Variants in CADPS observed in about 807,000 individuals in gnomAD.
CADPS encodes the protein calcium-dependent secretion activator 1.
A neutral mutation model predicts 167.3 loss-of-function variants in CADPS; 57 were observed. The ratio of observed to expected loss-of-function variants is 0.34; its 90% confidence interval spans 0.28 to 0.42. CADPS has a LOEUF of 0.42. CADPS is among the 20% of genes least tolerant of loss of function. The pLI is 1.00. For synonymous variants in CADPS, 676 were observed against 635.3 expected (o/e 1.06, Z -0.96); for missense variants, 1,414 against 1,738.1 (o/e 0.81, Z 3.32).
intron 7 of CADPS, among the ~76,000 whole-genome samples, chr3:62,588,966 T>C (rs1562541406): frequency 1.3e-5 from 2 of 152,172 alleles, no homozygotes; most frequent in African/African-American, 2.4e-5. Flanking sequence ...ATACCATAAA[T>C]TGAAAACAAA....
In CADPS at chr3:62,710,619, C is replaced by A. The variant is rs114653269; in HGVS notation, c.888+42822G>T. On this transcript the variant is annotated intron_variant, in intron 3 of 29. Transcript: ENST00000383710. Reference sequence around the variant, plus strand: ...CAGTAATATACATTATCCCTATTCCCTCCCACTGAGAGAGTTTTAAAAACT... The same window carrying A: ...CAGTAATATACATTATCCCTATTCCATCCCACTGAGAGAGTTTTAAAAACT... 3.2e-3 allele frequency among the ~76,000 whole-genome samples: 478 copies of A among 149,482 alleles called. 3 individuals are homozygous for A. The highest frequency in any genetic ancestry group is 0.011 in the African/African-American group (444 of 40,428).
chr3:62,572,350 C>T (rs979798681), intron 8 of CADPS, among the ~76,000 whole-genome samples: 1 of 152,102 alleles, frequency 6.6e-6, no homozygotes, highest in African/African-American at 2.4e-5. Flanking sequence ...TTCCCACTTC[C>T]ACTATTTCAG....
chr3:62,676,352 C>T (rs1303913789), intron 3 of CADPS, among the ~76,000 whole-genome samples: 1 of 152,106 alleles, frequency 6.6e-6, no homozygotes, highest in South Asian at 2.1e-4. Context: ...ATATTTCATC[C>T]TCCATGTAAC....
At chr3:62,462,123 CAG>C (rs1311568101) in intron 26 of CADPS, among the ~76,000 whole-genome samples, 1 of 152,242 alleles carries the variant, frequency 6.6e-6, no homozygotes, top group African/African-American at 2.4e-5. Context: ...CCCTTCCAAA[CAG>C]GCATCCCACG....
At chr3:62,424,827 T>C (rs922978608) in intron 28 of CADPS, among the ~76,000 whole-genome samples, 4 of 152,212 alleles carry the variant, frequency 2.6e-5, no homozygotes, top group African/African-American at 9.6e-5. Context: ...ATTCATGTTT[T>C]TGAGTTAGAA....
At chr3:62,491,871 C>T (rs187980881) in intron 20 of CADPS, among the ~76,000 whole-genome samples, 1 of 152,142 alleles carries the variant, frequency 6.6e-6, no homozygotes, top group Non-Finnish European at 1.5e-5. Flanking sequence ...ATCACCCTCC[C>T]TGGGGAGGAA....
At position 62,481,711 on chromosome 3, in the gene CADPS, C is replaced by T; in HGVS notation, c.3173+12G>A. On this transcript the variant is annotated intron_variant, in intron 22 of 29. Coordinates refer to ENST00000383710, the MANE Select transcript of CADPS (RefSeq NM_003716.4). ...AAATTTAAATGAGATCTAATGTGAA[C>T]TGAATACACACTCCGCATCATATAT... is the stretch of plus-strand genomic sequence containing the variant. 6.3e-7 allele frequency: 1 copy of T among 1,577,488 alleles called. No homozygotes were observed. Among genetic ancestry groups the T allele is most frequent in the Non-Finnish European group, 8.6e-7 (1 of 1,168,014 alleles).
chr3:62,716,661 C>T (rs557380893), intron 3 of CADPS, among the ~76,000 whole-genome samples: 1 of 152,330 alleles, frequency 6.6e-6, no homozygotes, highest in African/African-American at 2.4e-5. Context: ...AGAGCAATGA[C>T]ATGATCTTTG....
At chr3:62,696,252 G>A (rs1179237334) in intron 3 of CADPS, among the ~76,000 whole-genome samples, 1 of 152,068 alleles carries the variant, frequency 6.6e-6, no homozygotes, top group East Asian at 1.9e-4. Context: ...GATGCTATGG[G>A]GAAAGCTGCA....
chr3:62,492,342 T>G lies in CADPS; in HGVS notation c.2832A>C (p.Thr944=), dbSNP rs776356195. 1 of 1,614,034 alleles carries G rather than the reference T, an allele frequency of 6.2e-7. No individual in the cohort carries two copies. Among genetic ancestry groups the G allele is most frequent in the East Asian group, 2.2e-5 (1 of 44,872 alleles). Residue 944 remains threonine, a synonymous_variant, in exon 20 of 30, where the codon ACA becomes ACC. Transcript: ENST00000383710. ...GCTGAAATAGTGGAAAACTGTCCCATGTGTCTGGAGGTTGCACCTCTAAGG... is the reference window on the plus strand; with the variant it reads ...GCTGAAATAGTGGAAAACTGTCCCAGGTGTCTGGAGGTTGCACCTCTAAGG... ...DAALEVQPPD[T]WDSFPLFQLL...
At chr3:62,597,856 T>C (rs914959086) in intron 6 of CADPS, among the ~76,000 whole-genome samples, 4 of 152,022 alleles carry the variant, frequency 2.6e-5, no homozygotes, top group Non-Finnish European at 4.4e-5. Context: ...AACTATCAGA[T>C]TTCAAAATGG....
chr3:62,518,492 T>C (rs888500460), intron 13 of CADPS, among the ~76,000 whole-genome samples: 5 of 152,228 alleles, frequency 3.3e-5, no homozygotes, highest in African/African-American at 1.2e-4. Context: ...ATGTACAAAC[T>C]GGTGGCTTGA....
chr3:62,443,688 G>A (rs747417451), intron 27 of CADPS, among the ~76,000 whole-genome samples: 62 of 152,050 alleles, frequency 4.1e-4, no homozygotes, highest in Non-Finnish European at 6.8e-4. Flanking sequence ...GAAGAAGGAC[G>A]TGTTTGCTTC....
intron 1 of CADPS, among the ~76,000 whole-genome samples, chr3:62,773,826 T>A (rs1364436529): frequency 1.3e-5 from 2 of 152,308 alleles, no homozygotes; most frequent in East Asian, 1.9e-4. Context: ...TTTTAAAAAA[T>A]TTAGGGTAGC....
chr3:62,733,591 T>A (rs1031406838), intron 3 of CADPS, among the ~76,000 whole-genome samples: 2 of 152,230 alleles, frequency 1.3e-5, no homozygotes. Flanking sequence ...TTTCCTTTTT[T>A]ATCTTTCTTG....
intron 3 of CADPS, among the ~76,000 whole-genome samples, chr3:62,673,008 T>A (rs1489749953): frequency 2.0e-5 from 3 of 152,204 alleles, no homozygotes. Context: ...TCAGCCAAGG[T>A]CACCTCTTCT....
intron 1 of CADPS, among the ~76,000 whole-genome samples, chr3:62,850,786 A>T (rs1280833083): frequency 6.6e-6 from 1 of 150,986 alleles, no homozygotes; most frequent in Non-Finnish European, 1.5e-5. Flanking sequence ...GATGTCTATT[A>T]GGTCCTCTTG....
At chr3:62,432,087 G>A (rs1235017618) in intron 28 of CADPS, among the ~76,000 whole-genome samples, 2 of 151,866 alleles carry the variant, frequency 1.3e-5, no homozygotes, top group Non-Finnish European at 2.9e-5. Context: ...GGTTAATTCT[G>A]ATTTATTTGG....
chr3:62,552,099 A>T (rs556784513), intron 10 of CADPS, among the ~76,000 whole-genome samples: 1 of 152,012 alleles, frequency 6.6e-6, no homozygotes, highest in East Asian at 1.9e-4. Flanking sequence ...CTCTAGATCC[A>T]TCTTTTTCCA....
Sources: allele counts gnomAD v4.1 joint callset (sites outside exome capture counted in the v4.1 genomes callset), GRCh38; gene constraint gnomAD v4.1.1; transcripts MANE v1.5; gene names NCBI Gene and HGNC (gene_info 2026-07-23, HGNC 2026-07-21).